PTPN1: variants seen among roughly 807,000 people sequenced by gnomAD.
PTPN1 encodes tyrosine-protein phosphatase non-receptor type 1.
Under a neutral mutation model 59.9 loss-of-function variants are expected in PTPN1, and 12 were observed. That is an observed-to-expected ratio of 0.20 (90% CI 0.13 to 0.32). The LOEUF is 0.32. Ranked by LOEUF, PTPN1 falls within the 10% of genes least tolerant of loss-of-function variation. PTPN1 has a pLI of 1.00. For missense variants in PTPN1, 356 were observed against 549.2 expected (o/e 0.65, Z 3.52); for synonymous variants, 178 against 203.6 (o/e 0.87, Z 1.07).
At chr20:50,543,037 A>G (rs752466620) in intron 1 of PTPN1, among the ~76,000 whole-genome samples, 15 of 152,358 alleles carry the variant, frequency 9.8e-5, no homozygotes, top group Non-Finnish European at 2.1e-4. Context: ...TTAATTAAAT[A>G]TATTTGATAA....
chr20:50,514,644 G>A (rs1001430896), intron 1 of PTPN1, among the ~76,000 whole-genome samples: 3 of 152,166 alleles, frequency 2.0e-5, no homozygotes, highest in Non-Finnish European at 4.4e-5. Context: ...GATTGCAGGC[G>A]TGAGCAGGTA....
Position 50,582,541 on chromosome 20 carries a change from G to A in PTPN1, c.1285-151G>A. The A allele has an allele frequency of 4.1e-6, 3 of 733,196 alleles. 1 individual carries two copies. In the South Asian group the frequency reaches 5.9e-5, roughly 14 times the overall value. The allele number at this position is 733,196 out of a possible 1,614,324, so 45.4% of individuals were successfully genotyped here. A position where few individuals can be genotyped will look rare whatever the true frequency, so the allele number is the denominator to read the frequency against. ...TTTTTTCCTTGGGGATGATTTTTGG[G>A]GAGAGGGGGCTACTGTAAAAAATAA... is the stretch of plus-strand genomic sequence containing the variant. On this transcript the variant is annotated intron_variant, in intron 9 of 9. Transcript: ENST00000371621. This position sits in a 1 kb window ranked among gnomAD's most constrained non-coding sequence, Gnocchi z 4.2.
At chr20:50,547,190 C>A (rs537038061) in intron 1 of PTPN1, among the ~76,000 whole-genome samples, 9 of 152,016 alleles carry the variant, frequency 5.9e-5, no homozygotes, top group African/African-American at 2.2e-4. Context: ...CTATTAGGGA[C>A]GGTAAAAATA....
chr20:50,564,980 C>T lies in PTPN1; in HGVS notation c.166C>T (p.Arg56Trp). The change falls in exon 3 of 10, where the codon CGG becomes TGG. Residue 56 changes from arginine to tryptophan, a missense_variant. Arg to Trp is a moderately radical substitution (Grantham distance 101). Transcript: ENST00000371621. ...YRDVSPFDHS[R>W]IKLHQEDNDY... ...GGTTTGTCTTTCAGTTGACCATAGT[C>T]GGATTAAACTACATCAAGAAGATAA... The T allele has an allele frequency of 1.2e-6, 2 of 1,612,624 alleles. No homozygotes were observed. Among genetic ancestry groups the T allele is most frequent in the Non-Finnish European group, 8.5e-7 (1 of 1,179,638 alleles).
intron 1 of PTPN1, among the ~76,000 whole-genome samples, chr20:50,560,450 G>T (rs987022525): frequency 1.3e-5 from 2 of 152,046 alleles, no homozygotes; most frequent in Non-Finnish European, 2.9e-5. Context: ...CAGAGCCTTG[G>T]GAGGAATCTG....
chr20:50,547,323 G>A (rs577400877), intron 1 of PTPN1, among the ~76,000 whole-genome samples: 1 of 151,884 alleles, frequency 6.6e-6, no homozygotes, highest in South Asian at 2.1e-4. Flanking sequence ...AAGTTGGTGT[G>A]CTGTTTCTAA....
chr20:50,557,118 C>G (rs2082729469), intron 1 of PTPN1, among the ~76,000 whole-genome samples: 1 of 152,208 alleles, frequency 6.6e-6, no homozygotes, highest in Non-Finnish European at 1.5e-5. Flanking sequence ...GACCATTTCT[C>G]TGGTCTTTCT....
At chr20:50,547,357 AT>A (rs1315969785) in intron 1 of PTPN1, among the ~76,000 whole-genome samples, 3 of 151,602 alleles carry the variant, frequency 2.0e-5, no homozygotes, top group Non-Finnish European at 4.4e-5. Flanking sequence ...GCCCAAATTC[AT>A]TTTATCTGCA....
intron 4 of PTPN1, among the ~76,000 whole-genome samples, chr20:50,570,619 G>A (rs1013878952): frequency 6.6e-6 from 1 of 152,214 alleles, no homozygotes; most frequent in African/African-American, 2.4e-5. Flanking sequence ...TGTCTTAGAG[G>A]GAAGGGGAAG....
At position 50,578,136 on chromosome 20, in the gene PTPN1, A is replaced by G. The variant is rs1470123749; in HGVS notation, c.493-284A>G. On this transcript the variant is annotated intron_variant, in intron 5 of 9. Coordinates refer to ENST00000371621, the MANE Select transcript of PTPN1 (RefSeq NM_002827.4). ...AGACAGAGAGAAACCAGTTGTAACC[A>G]TGTAGACAGTGGAAGTGATAGGGAG... 5 of 380,236 alleles carry G rather than the reference A, an allele frequency of 1.3e-5. No individual in the cohort carries two copies. The East Asian group carries it at 2.9e-4, about 22-fold the overall frequency. The allele number at this position is 380,236 out of a possible 1,614,324, so 23.6% of individuals were successfully genotyped here.
chr20:50,572,615 C>T (rs754175175), intron 4 of PTPN1: 1 of 152,190 alleles, frequency 6.6e-6, no homozygotes, highest in Non-Finnish European at 1.5e-5. Flanking sequence ...CCTCTTCCTC[C>T]TGCATTTCTG....
chr20:50,579,947 C>T, intron 8 of PTPN1, 21 bp downstream of exon 8: 1 of 1,600,928 alleles, frequency 6.2e-7, no homozygotes, highest in Non-Finnish European at 8.6e-7. Context: ...TGGGTCCCAG[C>T]TTGTTGGGGT....
At chr20:50,510,671 C>A (rs542348625) in intron 1 of PTPN1, 81 bp downstream of exon 1, 2 of 1,411,200 alleles carry the variant, frequency 1.4e-6, no homozygotes, top group Admixed American at 4.6e-5. Context: ...CCCCAGACTC[C>A]CTCTGGGTCT....
chr20:50,579,397 C>T, intron 7 of PTPN1, 68 bp downstream of exon 7: 1 of 1,537,704 alleles, frequency 6.5e-7, no homozygotes, highest in Non-Finnish European at 8.9e-7. Flanking sequence ...AGGAGGCTGT[C>T]AGTTGTAAAA....
chr20:50,572,393 G>C (rs1014052308), intron 4 of PTPN1: 3 of 152,222 alleles, frequency 2.0e-5, no homozygotes, highest in African/African-American at 7.2e-5. Flanking sequence ...GCTTGTTGCT[G>C]TAGACACCTG....
chr20:50,527,526 G>A (rs1365366183), intron 1 of PTPN1, among the ~76,000 whole-genome samples: 2 of 151,996 alleles, frequency 1.3e-5, no homozygotes, highest in East Asian at 1.9e-4. Context: ...TGTATTTTTG[G>A]TAGAGATGGG....
At chr20:50,551,900 G>A (rs1202064010) in intron 1 of PTPN1, among the ~76,000 whole-genome samples, 5 of 151,872 alleles carry the variant, frequency 3.3e-5, no homozygotes, top group Non-Finnish European at 5.9e-5. Context: ...CATCTTAATC[G>A]GTTTTAAAGG....
chr20:50,554,380 ATCTCTCTCTC>A (rs1555829975), intron 1 of PTPN1, among the ~76,000 whole-genome samples: 1 of 140,200 alleles, frequency 7.1e-6, no homozygotes, highest in African/African-American at 2.7e-5. Context: ...GCAAGACCAC[ATCTCTCTCTC>A]TCTCTCTCTC....
At chr20:50,570,384 A>G (rs1200214842) in intron 4 of PTPN1, among the ~76,000 whole-genome samples, 4 of 152,174 alleles carry the variant, frequency 2.6e-5, no homozygotes, top group African/African-American at 9.7e-5. Context: ...TTTGCCCAAC[A>G]ATAACAGACA....
Sources: gnomAD v4.1 joint callset for allele counts (sites outside exome capture counted in the v4.1 genomes callset) on GRCh38, gnomAD v4.1.1 for gene constraint, Gnocchi (gnomAD v3.1) non-coding constraint, MANE v1.5 for transcripts, NCBI Gene and HGNC (gene_info 2026-07-23, HGNC 2026-07-21) for gene names.